Variants in RPF2 observed in about 807,000 individuals in gnomAD.
The protein encoded by RPF2 is ribosome production factor 2 homolog.
Under a neutral mutation model 38.9 loss-of-function variants are expected in RPF2, and 21 were observed. That is an observed-to-expected ratio of 0.54 (90% CI 0.38 to 0.78). The LOEUF is 0.78. Among genes scored for constraint, RPF2 ranks in the 30% least tolerant of loss-of-function variants. The pLI is 0.00. For synonymous variants in RPF2, 121 were observed against 126.2 expected, an observed-to-expected ratio of 0.96 and a Z score of 0.28; for missense variants, 314 against 358.1, an observed-to-expected ratio of 0.88 and a Z score of 0.99.
In RPF2 at chr6:111,009,439, C is replaced by T. The variant is rs1365695054; in HGVS notation, c.493+1302C>T. ...AACTCCTGACTTCAGGCGATCCACC[C>T]TCCTTGGCCTCCCAAAATGCTGGGA... On this transcript the variant is annotated intron_variant, in intron 7 of 9. Coordinates refer to ENST00000441448, the MANE Select transcript of RPF2 (RefSeq NM_032194.3). Among the ~76,000 whole-genome samples, 3 of 152,022 alleles carry T rather than the reference C, an allele frequency of 2.0e-5. No homozygotes were observed. In the East Asian group the frequency reaches 5.8e-4, roughly 29 times the overall value.
In RPF2 at chr6:110,997,968, A is replaced by G. The variant is rs1301370153; in HGVS notation, c.316+704A>G. 2.0e-5 allele frequency among the ~76,000 whole-genome samples: 3 copies of G among 150,292 alleles called. No individual in the cohort carries two copies. In the East Asian group the frequency reaches 5.9e-4, roughly 29 times the overall value. On this transcript the variant is annotated intron_variant, in intron 5 of 9. Coordinates refer to ENST00000441448, the MANE Select transcript of RPF2 (RefSeq NM_032194.3). Reference sequence around the variant, plus strand: ...CACCCAGACTGGAGTGCAATGGCCCAATCTCGGCTCACTACAACCTCCGCC... The same window carrying G: ...CACCCAGACTGGAGTGCAATGGCCCGATCTCGGCTCACTACAACCTCCGCC...
At chr6:111,008,898 CTTTTTTTTT>C (rs57167034) in intron 7 of RPF2, among the ~76,000 whole-genome samples, 2 of 120,434 alleles carry the variant, frequency 1.7e-5, no homozygotes, top group Non-Finnish European at 1.7e-5. Flanking sequence ...TTCCTGGCTC[CTTTTTTTTT>C]TTTTTTTTTA....
chr6:111,005,579 ATTAC>A (rs1478620740), intron 6 of RPF2, among the ~76,000 whole-genome samples: 2 of 152,126 alleles, frequency 1.3e-5, no homozygotes, highest in African/African-American at 4.8e-5. Flanking sequence ...GTAAAATTAT[ATTAC>A]TTCTCATGTG....
rs1771438110 is a variant in RPF2, at chr6:110,982,041, C to T, written c.-66C>T. 3 of 1,592,056 alleles carry T rather than the reference C, an allele frequency of 1.9e-6. No homozygotes were observed. The highest frequency in any genetic ancestry group is 2.2e-5 in the East Asian group (1 of 44,754). ...CGCGCAGCTTCCGGTTCCGCCTGTT[C>T]CGGCGCACGTAATCGCCGAGGGCAC... On this transcript the variant is annotated 5_prime_UTR_variant, in exon 1 of 10. Coordinates refer to ENST00000441448, the MANE Select transcript of RPF2 (RefSeq NM_032194.3).
chr6:110,998,405 T>C (rs1258831111), intron 5 of RPF2, among the ~76,000 whole-genome samples: 1 of 151,604 alleles, frequency 6.6e-6, no homozygotes, highest in Non-Finnish European at 1.5e-5. Context: ...ACTCCTGAGA[T>C]CTTATTGGGA....
At chr6:110,982,516 C>T (rs1771449983) in intron 1 of RPF2, 10 of 244,066 alleles carry the variant, frequency 4.1e-5, no homozygotes, top group South Asian at 1.4e-4. Flanking sequence ...CATTAAATAT[C>T]TCTAAATCTT....
At chr6:110,997,294 A>T (rs750561759) in intron 5 of RPF2, 30 bp downstream of exon 5, 1 of 1,306,054 alleles carries the variant, frequency 7.7e-7, no homozygotes, top group South Asian at 1.2e-5. Flanking sequence ...TAATGTTTTC[A>T]CTGATAGAGT....
Position 111,025,728 on chromosome 6 carries a change from A to G in RPF2, c.*146A>G. 1 of 597,884 alleles carries G rather than the reference A, an allele frequency of 1.7e-6. No individual in the cohort carries two copies. 37.0% of individuals were successfully genotyped at this position (597,884 alleles called of 1,614,324 possible). On this transcript the variant is annotated 3_prime_UTR_variant, in exon 10 of 10. Transcript: ENST00000441448. Reference sequence around the variant, plus strand: ...GATATATTATTATGAACAGTAATATACTAGTATTAAGTGTAAAGTAAGCCT... The same window carrying G: ...GATATATTATTATGAACAGTAATATGCTAGTATTAAGTGTAAAGTAAGCCT...
chr6:110,990,774 T>C (rs1024641682), intron 3 of RPF2, among the ~76,000 whole-genome samples: 5 of 152,140 alleles, frequency 3.3e-5, no homozygotes, highest in African/African-American at 7.2e-5. Flanking sequence ...GGTTTCACCA[T>C]GTTGGCCAGG....
chr6:111,014,340 GCCC>G (rs2114340890), intron 7 of RPF2, among the ~76,000 whole-genome samples: 1 of 152,108 alleles, frequency 6.6e-6, no homozygotes, highest in East Asian at 1.9e-4. Flanking sequence ...CACTGTGTTA[GCCC>G]CTATGGTCTT....
intron 6 of RPF2, among the ~76,000 whole-genome samples, chr6:111,000,802 G>A (rs967737899): frequency 2.6e-5 from 4 of 152,144 alleles, no homozygotes; most frequent in Non-Finnish European, 5.9e-5. Context: ...GGTTTCATTG[G>A]TGAACTAGAA....
chr6:111,012,652 A>G (rs952560620), intron 7 of RPF2, among the ~76,000 whole-genome samples: 1 of 151,844 alleles, frequency 6.6e-6, no homozygotes, highest in Non-Finnish European at 1.5e-5. Context: ...GGTCTCTCCA[A>G]AGTACATGCT....
Position 110,997,204 on chromosome 6 carries a change from G to C in RPF2, c.256G>C (p.Asp86His), listed in dbSNP as rs1468534615. The C allele has an allele frequency of 1.3e-6, 2 of 1,598,172 alleles. No homozygotes were observed. The highest frequency in any genetic ancestry group is 1.7e-5 in the Admixed American group (1 of 59,762). ...ATAGGAATTCTTTTCAAAGAAGTCA[G>C]ATTGTTCTTTATTCATGTTTGGCTC... ...TSLEFFSKKS[D>H]CSLFMFGSHN... Residue 86 changes from aspartate to histidine, a missense_variant, in exon 5 of 10, where the codon GAT becomes CAT. Transcript: ENST00000441448.
At chr6:110,985,852 C>T (rs543863957) in intron 2 of RPF2, among the ~76,000 whole-genome samples, 10 of 151,428 alleles carry the variant, frequency 6.6e-5, no homozygotes, top group East Asian at 1.9e-4. Context: ...GCAGGAGAAT[C>T]GCCTGAACCT....
chr6:110,991,097 A>G (rs1771611746), intron 3 of RPF2, among the ~76,000 whole-genome samples: 1 of 152,086 alleles, frequency 6.6e-6, no homozygotes, highest in African/African-American at 2.4e-5. Context: ...AAAATGGCCT[A>G]GTATTTGCAT....
At chr6:111,002,500 G>A (rs1189988686) in intron 6 of RPF2, among the ~76,000 whole-genome samples, 2 of 151,864 alleles carry the variant, frequency 1.3e-5, no homozygotes, top group African/African-American at 2.4e-5. Context: ...ACCATGCCCA[G>A]CCACATTTTT....
chr6:111,007,883 G>A (rs1331095250), intron 6 of RPF2, among the ~76,000 whole-genome samples, 155 bp from the exon 7 acceptor site: 1 of 152,124 alleles, frequency 6.6e-6, no homozygotes, highest in Non-Finnish European at 1.5e-5. Context: ...GGAGGTGGAG[G>A]TTGCAGTGAG....
intron 8 of RPF2, among the ~76,000 whole-genome samples, chr6:111,017,590 A>G (rs1208326233): frequency 2.0e-5 from 3 of 148,308 alleles, no homozygotes; most frequent in African/African-American, 7.6e-5. Context: ...GCGGCCGGGC[A>G]GAGGCGCTCC....
At chr6:111,014,718 G>C (rs1772077807) in intron 7 of RPF2, among the ~76,000 whole-genome samples, 1 of 152,188 alleles carries the variant, frequency 6.6e-6, no homozygotes, top group South Asian at 2.1e-4. Context: ...GATTTTCTCA[G>C]CTGTAAAATT....
Sources: allele counts gnomAD v4.1 joint callset (sites outside exome capture counted in the v4.1 genomes callset), GRCh38; gene constraint gnomAD v4.1.1; transcripts MANE v1.5; gene names NCBI Gene and HGNC (gene_info 2026-07-23, HGNC 2026-07-21).